Variants in ZNF469 observed in about 807,000 individuals in gnomAD.
ZNF469 encodes the protein zinc finger protein 469.
In ZNF469, 1 loss-of-function variant was observed where a neutral mutation model predicts 1.0. That is an observed-to-expected ratio of 1.00 (90% CI 0.35 to 4.73). ZNF469 has a LOEUF of 4.73. ZNF469 is among the 30% of genes most tolerant of loss of function. The pLI, the probability that ZNF469 is intolerant of heterozygous loss-of-function variation, is 0.16. For missense variants in ZNF469, 6,100 were observed against 5,356.3 expected (o/e 1.14, Z -4.33); for synonymous variants, 2,703 against 2,363.4 (o/e 1.14, Z -4.17).
chr16:88,316,928 C>G, the ZNF469 span, among the ~76,000 whole-genome samples: 1 of 152,136 alleles, frequency 6.6e-6, no homozygotes, highest in South Asian at 2.1e-4. Context: ...GATGCACCCC[C>G]ACAGAAAACT....
At chr16:88,107,343 A>G in the ZNF469 span, among the ~76,000 whole-genome samples, 1 of 152,246 alleles carries the variant, frequency 6.6e-6, no homozygotes, top group Non-Finnish European at 1.5e-5. Flanking sequence ...AAGAAGAAGC[A>G]AGAACCTTCT....
At chr16:88,186,597 G>A in the ZNF469 span, among the ~76,000 whole-genome samples, 2 of 152,192 alleles carry the variant, frequency 1.3e-5, no homozygotes, top group South Asian at 2.1e-4. Context: ...ACACAGCACC[G>A]AGACCTCAGT....
rs1906701023 is a variant in ZNF469, at chr16:88,437,793, C to CA, written c.10324dup (p.Arg3442LysfsTer61). On this transcript the variant is annotated frameshift_variant, in exon 3 of 3. Transcript: ENST00000565624. LOFTEE classifies it low-confidence loss of function (END_TRUNC). ...TCGACCGCCACATGAACAAGCACCT[C>CA]AGGGGGGGGCGGCAGCCCTTCGCGT... 5 of 1,546,418 alleles carry CA rather than the reference C, an allele frequency of 3.2e-6. No homozygotes were observed. Among genetic ancestry groups the CA allele is most frequent in the Non-Finnish European group, 4.4e-6 (5 of 1,144,112 alleles).
chr16:88,289,207 ATGG>A, the ZNF469 span, among the ~76,000 whole-genome samples: 1 of 137,826 alleles, frequency 7.3e-6, no homozygotes, highest in Non-Finnish European at 1.5e-5. Flanking sequence ...GATGATGGTG[ATGG>A]TGGTGATGAT....
At chr16:88,238,129 G>A in the ZNF469 span, among the ~76,000 whole-genome samples, 1 of 152,320 alleles carries the variant, frequency 6.6e-6, no homozygotes, top group Admixed American at 6.5e-5. Flanking sequence ...ATTTTCACCT[G>A]TTTCTCTGTG....
the ZNF469 span, among the ~76,000 whole-genome samples, chr16:88,184,542 G>A: frequency 6.6e-6 from 1 of 151,860 alleles, no homozygotes; most frequent in Non-Finnish European, 1.5e-5. Flanking sequence ...GCCAGCCTGT[G>A]CCTCCCGCCG....
chr16:88,119,731 C>T, the ZNF469 span, among the ~76,000 whole-genome samples: 1 of 152,200 alleles, frequency 6.6e-6, no homozygotes, highest in African/African-American at 2.4e-5. Flanking sequence ...GTGGCTGCCT[C>T]TCCTGGTTCT....
chr16:88,381,185 C>T (rs1411249130), upstream of ZNF469, among the ~76,000 whole-genome samples: 3 of 138,828 alleles, frequency 2.2e-5, no homozygotes, highest in Non-Finnish European at 3.0e-5. Flanking sequence ...CAGACATGCA[C>T]TCACACACAT....
chr16:88,332,617 C>T, the ZNF469 span, among the ~76,000 whole-genome samples: 1 of 152,236 alleles, frequency 6.6e-6, no homozygotes. Context: ...CTGGCATAGG[C>T]CATGTGAGGC....
At chr16:88,309,934 G>T in the ZNF469 span, among the ~76,000 whole-genome samples, 1 of 152,236 alleles carries the variant, frequency 6.6e-6, no homozygotes, top group South Asian at 2.1e-4. Flanking sequence ...CCAGAGGCCA[G>T]ATCCCTCCAC....
the ZNF469 span, among the ~76,000 whole-genome samples, chr16:88,367,922 C>T: frequency 6.6e-6 from 1 of 152,220 alleles, no homozygotes; most frequent in African/African-American, 2.4e-5. Context: ...TCAGCATCAG[C>T]GCCAGCTCTA....
At chr16:88,167,434 G>A in the ZNF469 span, among the ~76,000 whole-genome samples, 2 of 152,252 alleles carry the variant, frequency 1.3e-5, no homozygotes, top group African/African-American at 2.4e-5. Context: ...CCTTGACTCC[G>A]GCAGCTGGTT....
Position 88,398,827 on chromosome 16 carries a change from T to A in ZNF469, c.-192+15573T>A, listed in dbSNP as rs530554791. On this transcript the variant is annotated intron_variant, in intron 1 of 2. Coordinates refer to ENST00000565624, the MANE Select transcript of ZNF469 (RefSeq NM_001367624.2). ...CCGGGCTGGGATCCGTGACCAAAGG[T>A]CAGGGCAGATCTGAGGAAAGTGTTG... Among the ~76,000 whole-genome samples the A allele has an allele frequency of 4.6e-5, 7 of 152,196 alleles. No individual in the cohort carries two copies. The South Asian group carries it at 8.3e-4, about 18-fold the overall frequency.
the ZNF469 span, among the ~76,000 whole-genome samples, chr16:88,176,898 C>T: frequency 0.052 from 7,920 of 152,290 alleles, 320 homozygotes; most frequent in East Asian, 0.11. Context: ...AATGCAGAAA[C>T]GACAGATTCT....
At chr16:88,209,554 G>A in the ZNF469 span, among the ~76,000 whole-genome samples, 5 of 152,190 alleles carry the variant, frequency 3.3e-5, no homozygotes, top group Non-Finnish European at 5.9e-5. Flanking sequence ...GCCTCCCAAA[G>A]TGCTGGGATT....
the ZNF469 span, among the ~76,000 whole-genome samples, chr16:88,129,442 T>G: frequency 1.3e-5 from 2 of 152,160 alleles, no homozygotes; most frequent in South Asian, 2.1e-4. Flanking sequence ...CCGTTTTTTT[T>G]GCTACAAGTT....
chr16:88,303,559 G>C, the ZNF469 span, among the ~76,000 whole-genome samples: 1 of 152,220 alleles, frequency 6.6e-6, no homozygotes, highest in Non-Finnish European at 1.5e-5. Context: ...AGGCATCTCA[G>C]AAGAAAATCT....
chr16:88,434,902 G>A lies in ZNF469; in HGVS notation c.7432G>A (p.Ala2478Thr), dbSNP rs528848596. 34 of 1,550,168 alleles carry A rather than the reference G, an allele frequency of 2.2e-5. No homozygotes were observed. The highest frequency in any genetic ancestry group is 2.5e-5 in the Non-Finnish European group (29 of 1,146,996). Reference sequence around the variant, plus strand: ...TGGGCCTGTGACCTGTGAGGTCTGCGCAGCCTCCTTCCGCTCCGGGCCGGG... The same window carrying A: ...TGGGCCTGTGACCTGTGAGGTCTGCACAGCCTCCTTCCGCTCCGGGCCGGG... ...PHGPVTCEVC[A>T]ASFRSGPGLS... Residue 2478 changes from alanine to threonine, a missense_variant, in exon 3 of 3, where the codon GCA (alanine) becomes ACA (threonine). Transcript: ENST00000565624.
the ZNF469 span, among the ~76,000 whole-genome samples, chr16:88,289,696 G>A: frequency 6.6e-6 from 1 of 152,206 alleles, no homozygotes; most frequent in South Asian, 2.1e-4. Context: ...ACTACAGAGA[G>A]AGGGTGCGTA....
Sources: allele counts gnomAD v4.1 joint callset (sites outside exome capture counted in the v4.1 genomes callset), GRCh38; gene constraint gnomAD v4.1.1; transcripts MANE v1.5; gene names NCBI Gene and HGNC (gene_info 2026-07-23, HGNC 2026-07-21).